TTC21A: variants seen among roughly 807,000 people sequenced by gnomAD.
TTC21A encodes the protein tetratricopeptide repeat protein 21A.
Under a neutral mutation model 156.4 loss-of-function variants are expected in TTC21A, and 128 were observed. That is an observed-to-expected ratio of 0.82 (90% CI 0.71 to 0.95). The LOEUF (loss-of-function observed/expected upper bound fraction) is 0.95, where lower values mean the gene tolerates loss of function less well. Among genes scored for constraint, TTC21A ranks in the 40% least tolerant of loss-of-function variants. The pLI, the probability that TTC21A is intolerant of heterozygous loss-of-function variation, is 0.00. For synonymous variants in TTC21A, 587 were observed against 617.1 expected (o/e 0.95, Z 0.72); for missense variants, 1,435 against 1,602.3 (o/e 0.90, Z 1.78).
chr3:39,137,213 G>T lies in TTC21A; in HGVS notation c.3276G>T (p.Glu1092Asp). The stretch of plus-strand genomic sequence containing the variant: ...CCTGCAGCTACATGGAGAAGAAGGA[G>T]TTGGAGCAGCAGGGTGTGAGCACCG... ...GAESNYMEKK[E>D]LEQQGVSTAE... is the part of the protein sequence containing the mutation. Residue 1092 changes from glutamate to aspartate, a missense_variant, in exon 25 of 29, where the codon GAG becomes GAT. By Grantham distance (45) the Glu-to-Asp change is conservative (BLOSUM62 2). Transcript: ENST00000683103. 6.2e-7 allele frequency: 1 copy of T among 1,613,486 alleles called. No individual in the cohort carries two copies. Among genetic ancestry groups the T allele is most frequent in the Non-Finnish European group, 8.5e-7 (1 of 1,179,606 alleles).
rs779270051 is a variant in TTC21A, at chr3:39,138,326, G to A, written c.3735G>A (p.Lys1245=). 6 of 1,614,186 alleles carry A rather than the reference G, an allele frequency of 3.7e-6. No homozygotes were observed. In the South Asian group the frequency reaches 6.6e-5, roughly 18 times the overall value. The change falls in exon 27 of 29, where the codon AAG becomes AAA. Residue 1245 remains lysine, a synonymous_variant. Transcript: ENST00000683103. ...TCATGGAGAAGGAGCAGTCCTACAAGGATGCAGTCACCAACTACAAACTGG... is the reference window on the plus strand; with the variant it reads ...TCATGGAGAAGGAGCAGTCCTACAAAGATGCAGTCACCAACTACAAACTGG... ...GFIMEKEQSY[K]DAVTNYKLAW...
intron 1 of TTC21A, chr3:39,108,125 T>C (rs1217832362): frequency 3.5e-6 from 2 of 576,822 alleles, no homozygotes; most frequent in Non-Finnish European, 6.1e-6. Flanking sequence ...CTTCTTGTCA[T>C]CATCCCTTCT....
intron 4 of TTC21A, 89 bp downstream of exon 4, chr3:39,111,106 T>G: frequency 7.0e-7 from 1 of 1,420,648 alleles, no homozygotes; most frequent in Non-Finnish European, 9.4e-7. Flanking sequence ...CAAAGGGCCC[T>G]GAAACTGGGG....
chr3:39,130,642 G>T lies in TTC21A; in HGVS notation c.2320-59G>T. 1 of 1,597,128 alleles carries T rather than the reference G, an allele frequency of 6.3e-7. No individual in the cohort carries two copies. Among genetic ancestry groups the T allele is most frequent in the Non-Finnish European group, 8.6e-7 (1 of 1,168,882 alleles). On this transcript the variant is annotated intron_variant, in intron 17 of 28. Coordinates refer to ENST00000683103, the MANE Select transcript of TTC21A (RefSeq NM_001366900.1). The surrounding 1 kb of genome is among the most constrained non-coding windows in gnomAD (Gnocchi z 4.5). Reference sequence around the variant, plus strand: ...TGTGATGGCTGCTGAGGGGAACATGGTGTCGGGCACTGAAGGGCAGAACCA... The same window carrying T: ...TGTGATGGCTGCTGAGGGGAACATGTTGTCGGGCACTGAAGGGCAGAACCA...
Position 39,130,951 on chromosome 3 carries a change from G to C in TTC21A, c.2459-41G>C. ...GCTCCCCACCAACACAGCTTCCCAGGAGCCAGTGAACTAACACTAATTTGA... is the reference window on the plus strand; with the variant it reads ...GCTCCCCACCAACACAGCTTCCCAGCAGCCAGTGAACTAACACTAATTTGA... On this transcript the variant is annotated intron_variant, in intron 18 of 28. Coordinates refer to ENST00000683103, the MANE Select transcript of TTC21A (RefSeq NM_001366900.1). The surrounding 1 kb of genome is among the most constrained non-coding windows in gnomAD (Gnocchi z 4.5). The C allele has an allele frequency of 6.2e-7, 1 of 1,608,584 alleles. No individual in the cohort carries two copies. The highest frequency in any genetic ancestry group is 8.5e-7 in the Non-Finnish European group (1 of 1,176,186).
At chr3:39,122,328 A>G (rs924552405) in intron 9 of TTC21A, among the ~76,000 whole-genome samples, 11 of 152,246 alleles carry the variant, frequency 7.2e-5, no homozygotes, top group African/African-American at 2.4e-4. Flanking sequence ...GAAAGAAAAA[A>G]AAAAAAAAGA....
Position 39,125,447 on chromosome 3 carries a change from C to T in TTC21A, c.1307C>T (p.Pro436Leu). Residue 436 changes from proline (P) to leucine (L), a missense_variant, in exon 11 of 29, where the codon CCT becomes CTT. Transcript: ENST00000683103. ...ELHFSSMQGI[P>L]LGSEYFEKLD... ...CACTTCTCCAGCATGCAAGGCATCC[C>T]TCTTGGCTCTGAGTACTTTGAAAAG... The T allele has an allele frequency of 1.2e-6, 2 of 1,614,076 alleles. No individual in the cohort carries two copies.
intron 7 of TTC21A, chr3:39,119,653 G>GAAAAAAAAAAAAAAAAAAAAAA (rs751803481): frequency 4.6e-6 from 1 of 217,856 alleles, no homozygotes. Flanking sequence ...AGAAAAAAAA[G>GAAAAAAAAAAAAAAAAAAAAAA]AAAAAAAAAA....
chr3:39,126,716 A>G (rs1240327529), intron 12 of TTC21A, among the ~76,000 whole-genome samples: 1 of 151,968 alleles, frequency 6.6e-6, no homozygotes, highest in African/African-American at 2.4e-5. Flanking sequence ...CCCAGCCTCC[A>G]TTCCCTAGTA....
Position 39,117,957 on chromosome 3 carries a change from T to G in TTC21A, c.717-112T>G, listed in dbSNP as rs1211897167. The G allele has an allele frequency of 5.1e-6, 4 of 777,000 alleles. No homozygotes were observed. In the African/African-American group the frequency reaches 6.9e-5, roughly 13 times the overall value. The allele number at this position is 777,000 out of a possible 1,614,324, so 48.1% of individuals were successfully genotyped here. On this transcript the variant is annotated intron_variant, in intron 6 of 28. Coordinates refer to ENST00000683103, the MANE Select transcript of TTC21A (RefSeq NM_001366900.1). ...CCTGGCTAATTTGGGAGTTCTATTA[T>G]TAAAAGAAGAGGGGAGAATGGATAT...
intron 19 of TTC21A, chr3:39,131,659 C>T (rs1387041595): frequency 2.0e-5 from 3 of 152,746 alleles, no homozygotes; most frequent in African/African-American, 7.2e-5. Context: ...GAGATCCTTT[C>T]TGCTCAGGGG....
chr3:39,109,235 G>T (rs766368941), intron 2 of TTC21A, 21 bp downstream of exon 2: 1 of 1,603,818 alleles, frequency 6.2e-7, no homozygotes, highest in East Asian at 2.2e-5. Context: ...GGCAGTGTTG[G>T]TCTTGTGACC....
At position 39,137,316 on chromosome 3, in the gene TTC21A, C is replaced by T. The variant is rs777630958; in HGVS notation, c.3379C>T (p.Arg1127Trp). The T allele has an allele frequency of 3.7e-5, 60 of 1,613,908 alleles. No homozygotes were observed. Among genetic ancestry groups the T allele is most frequent in the Middle Eastern group, 1.6e-4 (1 of 6,084 alleles). Reference sequence around the variant, plus strand: ...GCTGCGGCTGCTGCAGGGCCTCTGCCGGCTGGCCACCAGGGAGAAGGCTAA... The same window carrying T: ...GCTGCGGCTGCTGCAGGGCCTCTGCTGGCTGGCCACCAGGGAGAAGGCTAA... ...TQLRLLQGLC[R>W]LATREKANME... Residue 1127 changes from arginine (R) to tryptophan (W), a missense_variant, in exon 25 of 29, where the codon CGG (arginine) becomes TGG (tryptophan). Physicochemically the swap from Arg to Trp is moderately radical, Grantham distance 101 (BLOSUM62 -3). Transcript: ENST00000683103.
At position 39,114,643 on chromosome 3, in the gene TTC21A, TCAC is replaced by T; in HGVS notation, c.618_620del (p.Thr207del). 1.2e-6 allele frequency: 2 copies of T among 1,614,166 alleles called. No individual in the cohort carries two copies. Among genetic ancestry groups the T allele is most frequent in the Non-Finnish European group, 1.7e-6 (2 of 1,180,022 alleles). Reference sequence around the variant, plus strand: ...GAGGCCCTGGAGGTGGTGAACCAGATCACTGTGACTTCAGGGAGCTTCCTGCCA... The same window carrying T: ...GAGGCCCTGGAGGTGGTGAACCAGATTGTGACTTCAGGGAGCTTCCTGCCA... On this transcript the variant is annotated inframe_deletion, in exon 6 of 29. Transcript: ENST00000683103.
rs1157651756 is a variant in TTC21A at position 39,136,976 on chromosome 3, T to G, written c.3173T>G (p.Ile1058Ser). 3 of 1,614,172 alleles carry G rather than the reference T, an allele frequency of 1.9e-6. No homozygotes were observed. Among genetic ancestry groups the G allele is most frequent in the Non-Finnish European group, 2.5e-6 (3 of 1,180,040 alleles). Residue 1058 changes from isoleucine to serine, a missense_variant, in exon 24 of 29, where the codon ATC becomes AGC. By Grantham distance (142) the Ile-to-Ser change is moderately radical. Coordinates refer to ENST00000683103, the MANE Select transcript of TTC21A (RefSeq NM_001366900.1). ...GACAGCACTTGGGGCCAGAGCGCCA[T>G]CTACCACATGGTGCAGATCTGTCTG... is the stretch of plus-strand genomic sequence containing the variant. ...RKDSTWGQSA[I>S]YHMVQICLNP... is the part of the protein sequence containing the mutation.
At chr3:39,109,332 C>G in intron 2 of TTC21A, 118 bp downstream of exon 2, 1 of 1,183,754 alleles carries the variant, frequency 8.4e-7, no homozygotes, top group South Asian at 1.5e-5. Flanking sequence ...CAGTTTCACA[C>G]TCAGCGGCTG....
chr3:39,132,205 GT>G (rs2038776642), intron 19 of TTC21A, among the ~76,000 whole-genome samples: 1 of 152,190 alleles, frequency 6.6e-6, no homozygotes, highest in African/African-American at 2.4e-5. Context: ...TAAAAATACA[GT>G]ATTATAATCT....
intron 23 of TTC21A, 84 bp downstream of exon 23, chr3:39,136,591 AG>A: frequency 6.7e-7 from 1 of 1,498,316 alleles, no homozygotes; most frequent in South Asian, 1.3e-5. Flanking sequence ...TCTGCACAAA[AG>A]GAGCAGAAAT....
chr3:39,110,466 C>T (rs991869483), intron 3 of TTC21A: 2 of 505,986 alleles, frequency 4.0e-6, no homozygotes, highest in Non-Finnish European at 7.2e-6. Context: ...TAATTCTACC[C>T]CTAATCTCCA....
Sources: gnomAD v4.1 joint callset for allele counts (sites outside exome capture counted in the v4.1 genomes callset) on GRCh38, gnomAD v4.1.1 for gene constraint, Gnocchi (gnomAD v3.1) non-coding constraint, MANE v1.5 for transcripts, NCBI Gene and HGNC (gene_info 2026-07-23, HGNC 2026-07-21) for gene names.